Variants in EPHA6 observed in about 807,000 individuals in gnomAD.
EPHA6 encodes the protein EPH receptor A6.
Under a neutral mutation model 112.0 loss-of-function variants are expected in EPHA6, and 50 were observed. The ratio of observed to expected loss-of-function variants is 0.45; its 90% CI spans 0.36 to 0.56. EPHA6 has a LOEUF of 0.56. Ranked by LOEUF, EPHA6 falls within the 20% of genes least tolerant of loss-of-function variation. The pLI is 0.00. For missense variants in EPHA6, 1,280 were observed against 1,417.4 expected, an observed-to-expected ratio of 0.90 and a Z score of 1.56; for synonymous variants, 529 against 490.7, an observed-to-expected ratio of 1.08 and a Z score of -1.03.
At chr3:97,363,639 A>T (rs2084532452) in intron 5 of EPHA6, among the ~76,000 whole-genome samples, 2 of 152,094 alleles carry the variant, frequency 1.3e-5, no homozygotes, top group African/African-American at 4.8e-5. Flanking sequence ...ATTATCTAGT[A>T]ATTCCACTTC....
At chr3:96,885,644 C>T (rs2037578504) in intron 2 of EPHA6, among the ~76,000 whole-genome samples, 1 of 152,040 alleles carries the variant, frequency 6.6e-6, no homozygotes, top group Admixed American at 6.6e-5. Context: ...TGCCAGTGCT[C>T]TATCAATTTT....
intron 2 of EPHA6, among the ~76,000 whole-genome samples, chr3:96,884,752 A>G (rs1559799984): frequency 6.6e-6 from 1 of 152,154 alleles, no homozygotes; most frequent in Non-Finnish European, 1.5e-5. Context: ...TAGGAGTTCC[A>G]GTACTATGTT....
At chr3:97,648,501 C>G in intron 14 of EPHA6, 4 of 1,293,414 alleles carry the variant, frequency 3.1e-6, no homozygotes, top group Non-Finnish European at 3.9e-6. Context: ...ATTGGCTTGA[C>G]TTTTTGAAGT....
chr3:97,640,071 A>T (rs972319020), intron 14 of EPHA6, among the ~76,000 whole-genome samples: 1 of 152,168 alleles, frequency 6.6e-6, no homozygotes, highest in Non-Finnish European at 1.5e-5. Context: ...ATACTTTCAC[A>T]GGTTAGAAGG....
intron 3 of EPHA6, among the ~76,000 whole-genome samples, chr3:96,991,591 T>G (rs1050039094): frequency 1.3e-5 from 2 of 152,202 alleles, no homozygotes; most frequent in Non-Finnish European, 2.9e-5. Flanking sequence ...TATAGGGGAC[T>G]GCCACCATGA....
chr3:97,505,343 C>G (rs1172261791), intron 10 of EPHA6, among the ~76,000 whole-genome samples: 1 of 151,940 alleles, frequency 6.6e-6, no homozygotes, highest in African/African-American at 2.4e-5. Context: ...TCCCCTAGCC[C>G]CCCACCCCCG....
At chr3:97,615,204 G>A (rs534424307) in intron 13 of EPHA6, among the ~76,000 whole-genome samples, 4 of 152,034 alleles carry the variant, frequency 2.6e-5, no homozygotes, top group African/African-American at 4.8e-5. Context: ...TGTGACCCCC[G>A]GAAACCACAC....
chr3:97,593,039 T>G (rs1046048172), intron 12 of EPHA6, among the ~76,000 whole-genome samples: 1 of 152,070 alleles, frequency 6.6e-6, no homozygotes, highest in African/African-American at 2.4e-5. Flanking sequence ...TAAACAAAGA[T>G]GGACTTCAGA....
At chr3:97,177,607 A>G (rs2076871941) in intron 3 of EPHA6, among the ~76,000 whole-genome samples, 1 of 151,752 alleles carries the variant, frequency 6.6e-6, no homozygotes, top group South Asian at 2.1e-4. Flanking sequence ...TTGCTGATTC[A>G]ACCCCTTTAT....
At chr3:97,656,254 C>T (rs2094137410) in intron 14 of EPHA6, among the ~76,000 whole-genome samples, 1 of 151,852 alleles carries the variant, frequency 6.6e-6, no homozygotes, top group African/African-American at 2.4e-5. Flanking sequence ...CTGGAGGTCA[C>T]TTCACTAGGC....
intron 3 of EPHA6, among the ~76,000 whole-genome samples, chr3:97,148,641 T>A (rs2076098079): frequency 6.6e-6 from 1 of 152,076 alleles, no homozygotes; most frequent in African/African-American, 2.4e-5. Flanking sequence ...ATATTAAAAT[T>A]TTAAAAAATT....
Position 97,538,985 on chromosome 3 carries a change from T to C in EPHA6, c.2386+6442T>C, listed in dbSNP as rs192795957. ...TACATACTGGACACTTTCTCTCTCT[T>C]TCTTTCTTTCTTTCTTTCTTTCTTT... On this transcript the variant is annotated intron_variant, in intron 11 of 17. Coordinates refer to ENST00000389672, the MANE Select transcript of EPHA6 (RefSeq NM_001080448.3). Among the ~76,000 whole-genome samples the C allele has an allele frequency of 2.2e-4, 18 of 83,242 alleles. No homozygotes were observed. The South Asian group carries it at 3.7e-3, about 17-fold the overall frequency. The allele number at this position is 83,242 out of a possible 152,430, so 54.6% of individuals were successfully genotyped here.
chr3:97,093,708 A>T (rs561902925), intron 3 of EPHA6, among the ~76,000 whole-genome samples: 1 of 152,236 alleles, frequency 6.6e-6, no homozygotes, highest in South Asian at 2.1e-4. Context: ...CGTGTGATCC[A>T]TGCTCTGTAT....
At chr3:97,210,217 A>G (rs60055684) in intron 3 of EPHA6, among the ~76,000 whole-genome samples, 14,166 of 152,188 alleles carry the variant, frequency 0.093, 1,499 homozygotes, top group Admixed American at 0.21. Flanking sequence ...TAAAGAAAAA[A>G]TGTTTAATTG....
At chr3:97,000,207 A>G (rs775481861) in intron 3 of EPHA6, among the ~76,000 whole-genome samples, 12 of 150,430 alleles carry the variant, frequency 8.0e-5, no homozygotes, top group Non-Finnish European at 1.5e-4. Context: ...AGTTAATGTC[A>G]CTTATTTTAG....
intron 3 of EPHA6, among the ~76,000 whole-genome samples, chr3:97,075,834 G>C (rs968786873): frequency 6.6e-6 from 1 of 151,268 alleles, no homozygotes; most frequent in South Asian, 2.1e-4. Flanking sequence ...TATTATTATT[G>C]TATCTGTTAG....
chr3:97,528,154 C>T (rs980216844), intron 10 of EPHA6, among the ~76,000 whole-genome samples: 1 of 152,076 alleles, frequency 6.6e-6, no homozygotes, highest in Admixed American at 6.6e-5. Flanking sequence ...TTTGTCTGTA[C>T]TTAGACAAAA....
At chr3:97,404,901 A>T (rs1414714465) in intron 5 of EPHA6, among the ~76,000 whole-genome samples, 1 of 152,150 alleles carries the variant, frequency 6.6e-6, no homozygotes, top group African/African-American at 2.4e-5. Context: ...ACCAAAGATG[A>T]TGAGTTCTGG....
intron 14 of EPHA6, among the ~76,000 whole-genome samples, chr3:97,698,940 T>C (rs938821482): frequency 1.3e-5 from 2 of 152,258 alleles, no homozygotes; most frequent in African/African-American, 2.4e-5. Context: ...ATCTCTCATT[T>C]ACAGATTAGC....
Sources: gnomAD v4.1 joint callset for allele counts (sites outside exome capture counted in the v4.1 genomes callset) on GRCh38, gnomAD v4.1.1 for gene constraint, MANE v1.5 for transcripts, NCBI Gene and HGNC (gene_info 2026-07-23, HGNC 2026-07-21) for gene names.